HS6ST2: variants seen among roughly 807,000 people sequenced by gnomAD.
HS6ST2 encodes the protein heparan-sulfate 6-O-sulfotransferase 2.
A neutral mutation model predicts 33.0 loss-of-function variants in HS6ST2; 17 were observed. The ratio of observed to expected loss-of-function variants is 0.52; its 90% CI spans 0.35 to 0.77. The LOEUF is 0.77. Among genes scored for constraint, HS6ST2 ranks in the 30% least tolerant of loss-of-function variants. The pLI, the probability that HS6ST2 is intolerant of heterozygous loss-of-function variation, is 0.01. For synonymous variants in HS6ST2, 248 were observed against 237.1 expected (o/e 1.05, Z -0.42); for missense variants, 519 against 551.7 (o/e 0.94, Z 0.59).
At chrX:132,695,923 A>G (rs1408968015) in intron 3 of HS6ST2, among the ~76,000 whole-genome samples, 2 of 111,810 alleles carry the variant, frequency 1.8e-5, no homozygotes, top group African/African-American at 3.3e-5. Context: ...GAGTTTTTTC[A>G]TCCTCAAGTG....
intron 2 of HS6ST2, among the ~76,000 whole-genome samples, chrX:132,772,879 ATATAT>A (rs1235207225): frequency 3.4e-5 from 3 of 89,251 alleles, no homozygotes; most frequent in African/African-American, 8.8e-5. Context: ...AAAATATAAC[ATATAT>A]TATATATTAT....
intron 2 of HS6ST2, among the ~76,000 whole-genome samples, chrX:132,837,996 CCAT>C (rs2065662049): frequency 8.9e-6 from 1 of 112,279 alleles, no homozygotes; most frequent in African/African-American, 3.2e-5. Context: ...GGCATAGTTG[CCAT>C]CATCAAGTGG....
At chrX:132,681,870 A>C (rs2063974391) in intron 3 of HS6ST2, among the ~76,000 whole-genome samples, 1 of 112,255 alleles carries the variant, frequency 8.9e-6, no homozygotes, top group Non-Finnish European at 1.9e-5. Flanking sequence ...TATACTAAGC[A>C]CTTTAATCAC....
intron 2 of HS6ST2, among the ~76,000 whole-genome samples, chrX:132,812,906 T>C (rs2065362770): frequency 9.1e-6 from 1 of 109,465 alleles, no homozygotes; most frequent in Non-Finnish European, 1.9e-5. Context: ...CCAATCTTTA[T>C]CCGTTATCCC....
chrX:132,944,977 T>C (rs1247925247), intron 2 of HS6ST2, among the ~76,000 whole-genome samples: 4 of 111,694 alleles, frequency 3.6e-5, no homozygotes, highest in Non-Finnish European at 3.8e-5. Context: ...CCAAAAGCAA[T>C]GACAACAAAA....
chrX:132,866,292 A>C, intron 2 of HS6ST2, among the ~76,000 whole-genome samples: 1 of 109,980 alleles, frequency 9.1e-6, no homozygotes, highest in Non-Finnish European at 1.9e-5. Context: ...ATAGTTGTAG[A>C]TAGCAGCGTT....
At chrX:132,810,265 G>A (rs1159768445) in intron 2 of HS6ST2, among the ~76,000 whole-genome samples, 1 of 108,942 alleles carries the variant, frequency 9.2e-6, no homozygotes, top group African/African-American at 3.4e-5. Flanking sequence ...AAACAGCTAG[G>A]CCTGGTGGTG....
At chrX:132,781,595 G>A (rs1034425834) in intron 2 of HS6ST2, among the ~76,000 whole-genome samples, 16 of 111,561 alleles carry the variant, frequency 1.4e-4, no homozygotes, top group African/African-American at 5.2e-4. Context: ...GCCCGAGACT[G>A]GGCAATTTAT....
At chrX:132,889,521 G>T (rs1569501392) in intron 2 of HS6ST2, among the ~76,000 whole-genome samples, 4 of 111,238 alleles carry the variant, frequency 3.6e-5, no homozygotes, top group Non-Finnish European at 7.5e-5. Context: ...CAGATTCTGA[G>T]GTGAGAAAGG....
intron 2 of HS6ST2, among the ~76,000 whole-genome samples, chrX:132,912,377 T>G (rs1363299886): frequency 8.9e-6 from 1 of 112,615 alleles, no homozygotes; most frequent in Non-Finnish European, 1.9e-5. Flanking sequence ...GGTCCTAACC[T>G]GGGACCACTT....
At chrX:132,853,397 G>A (rs1303231575) in intron 2 of HS6ST2, among the ~76,000 whole-genome samples, 1 of 106,994 alleles carries the variant, frequency 9.3e-6, no homozygotes, top group Admixed American at 1.0e-4. Context: ...GGGCTCAAGC[G>A]ATCCTCCTGC....
chrX:132,779,339 T>A (rs140844477), intron 2 of HS6ST2, among the ~76,000 whole-genome samples: 1,377 of 111,939 alleles, frequency 0.012, 25 homozygotes, highest in African/African-American at 0.043. Flanking sequence ...ATCCTAGCAG[T>A]TAAGCCCCAT....
intron 2 of HS6ST2, among the ~76,000 whole-genome samples, chrX:132,886,930 T>C (rs2066258705): frequency 4.5e-5 from 5 of 110,010 alleles, no homozygotes. Context: ...AGGTCAGGAG[T>C]TTGAGACCAG....
chrX:132,900,724 G>C (rs1444737965), intron 2 of HS6ST2, among the ~76,000 whole-genome samples: 2 of 110,887 alleles, frequency 1.8e-5, no homozygotes, highest in South Asian at 3.8e-4. Flanking sequence ...TTTCAAGGTA[G>C]AATATTAAAA....
chrX:132,705,000 G>A (rs1446134292), intron 3 of HS6ST2, among the ~76,000 whole-genome samples: 5 of 111,671 alleles, frequency 4.5e-5, no homozygotes, highest in African/African-American at 6.5e-5. Context: ...CTGGGGCTCC[G>A]GAATGAATTA....
intron 2 of HS6ST2, among the ~76,000 whole-genome samples, chrX:132,948,547 A>C (rs1384016188): frequency 8.9e-6 from 1 of 112,342 alleles, no homozygotes. Context: ...TATTTAGTGT[A>C]ATGCTCTGAA....
chrX:132,950,057 A>G (rs988021164), intron 2 of HS6ST2, among the ~76,000 whole-genome samples: 3 of 112,025 alleles, frequency 2.7e-5, no homozygotes, highest in Non-Finnish European at 5.6e-5. Context: ...GTGGATGTTC[A>G]GATTGTTTCC....
chrX:132,705,238 A>C lies in HS6ST2; in HGVS notation c.980+3224T>G, dbSNP rs113152288. On this transcript the variant is annotated intron_variant, in intron 3 of 4. Coordinates refer to ENST00000370833, the MANE Select transcript of HS6ST2 (RefSeq NM_001394073.1). ...GTGTACGTGTGGAAAAGAGATCCCAACAAAGGAAACCTAAGGAATGTAGAG... is the reference window on the plus strand; with the variant it reads ...GTGTACGTGTGGAAAAGAGATCCCACCAAAGGAAACCTAAGGAATGTAGAG... 6.6e-4 allele frequency among the ~76,000 whole-genome samples: 72 copies of C among 109,182 alleles called. 1 individual carries two copies. Among genetic ancestry groups the C allele is most frequent in the African/African-American group, 2.3e-3 (69 of 29,978 alleles). The allele number at this position is 109,182 out of a possible 115,157, so 94.8% of individuals were successfully genotyped here.
chrX:132,778,180 A>T (rs1206052972), intron 2 of HS6ST2, among the ~76,000 whole-genome samples: 1 of 111,883 alleles, frequency 8.9e-6, no homozygotes, highest in Non-Finnish European at 1.9e-5. Flanking sequence ...CATAAAGGCA[A>T]TCACAACCAA....
Sources: gnomAD v4.1 joint callset for allele counts (sites outside exome capture counted in the v4.1 genomes callset) on GRCh38, gnomAD v4.1.1 for gene constraint, MANE v1.5 for transcripts, NCBI Gene and HGNC (gene_info 2026-07-23, HGNC 2026-07-21) for gene names.